Variants in GALNT16 observed in about 807,000 individuals in gnomAD.
The protein encoded by GALNT16 is polypeptide N-acetylgalactosaminyltransferase 16.
Under a neutral mutation model 76.1 loss-of-function variants are expected in GALNT16, and 40 were observed. That is an observed-to-expected ratio of 0.53 (90% CI 0.41 to 0.68). The LOEUF (loss-of-function observed/expected upper bound fraction) is 0.68. GALNT16 is among the 30% of genes least tolerant of loss of function. GALNT16 has a pLI of 0.00. For synonymous variants in GALNT16, 276 were observed against 285.2 expected (o/e 0.97, Z 0.32); for missense variants, 621 against 731.9 (o/e 0.85, Z 1.75).
chr14:69,350,581 AT>A (rs1297674552), intron 14 of GALNT16: 1 of 152,406 alleles, frequency 6.6e-6, no homozygotes, highest in Admixed American at 6.5e-5. Flanking sequence ...AGCCCTACCC[AT>A]CACGTCCTTG....
At chr14:69,291,105 A>G (rs933534813) in intron 1 of GALNT16, among the ~76,000 whole-genome samples, 8 of 152,196 alleles carry the variant, frequency 5.3e-5, no homozygotes, top group African/African-American at 1.9e-4. Flanking sequence ...AGCCTGGGCA[A>G]CATAGTAAAA....
the GALNT16 span, among the ~76,000 whole-genome samples, chr14:69,383,917 G>A: frequency 6.6e-6 from 1 of 152,168 alleles, no homozygotes; most frequent in Non-Finnish European, 1.5e-5. Context: ...GGAGGCTGAG[G>A]AAGGAGGATC....
chr14:69,273,249 G>A (rs1422007986), intron 1 of GALNT16, among the ~76,000 whole-genome samples: 4 of 152,230 alleles, frequency 2.6e-5, no homozygotes, highest in Non-Finnish European at 5.9e-5. Flanking sequence ...AGGAGGGGTA[G>A]GAGCAGTGGA....
chr14:69,357,525 C>T (rs1372632266), downstream of GALNT16: 1 of 152,226 alleles, frequency 6.6e-6, no homozygotes, highest in African/African-American at 2.4e-5. Flanking sequence ...GAGCTAGGGA[C>T]CATTCCTCCA....
In GALNT16 at chr14:69,340,426, T is replaced by C. The variant is rs138495781; in HGVS notation, c.1187+807T>C. ...ATGCCTACACATCACGTCATTTGCA[T>C]GGATTCAATGTGGTACTCGATGCGT... is the stretch of plus-strand genomic sequence containing the variant. On this transcript the variant is annotated intron_variant, in intron 11 of 14. Transcript: ENST00000448469. 2.8e-3 allele frequency among the ~76,000 whole-genome samples: 427 copies of C among 152,332 alleles called. 1 individual carries two copies. Among genetic ancestry groups the C allele is most frequent in the African/African-American group, 9.1e-3 (380 of 41,578 alleles).
chr14:69,351,402 C>T (rs1594872647), intron 14 of GALNT16: 1 of 152,352 alleles, frequency 6.6e-6, no homozygotes, highest in South Asian at 2.1e-4. Flanking sequence ...CCAATAACTA[C>T]ATAGAAGCTG....
chr14:69,321,561 C>G (rs975064746), intron 2 of GALNT16, among the ~76,000 whole-genome samples: 5 of 152,216 alleles, frequency 3.3e-5, no homozygotes, highest in African/African-American at 7.2e-5. Flanking sequence ...AGCACCACCC[C>G]CCGCTCCCCA....
chr14:69,274,210 C>G (rs2044442105), intron 1 of GALNT16, among the ~76,000 whole-genome samples: 1 of 152,088 alleles, frequency 6.6e-6, no homozygotes, highest in South Asian at 2.1e-4. Flanking sequence ...GTTTAGAATT[C>G]TGCCTAACTC....
chr14:69,301,715 G>A (rs998326295), intron 1 of GALNT16, among the ~76,000 whole-genome samples: 20 of 152,148 alleles, frequency 1.3e-4, no homozygotes, highest in African/African-American at 4.3e-4. Flanking sequence ...AGGGCCGGGC[G>A]TGGTGGCTCA....
intron 12 of GALNT16, among the ~76,000 whole-genome samples, chr14:69,343,610 C>G (rs943158039): frequency 1.3e-5 from 2 of 152,232 alleles, no homozygotes. Flanking sequence ...TCAGATGCAT[C>G]ATTTCTGAGA....
chr14:69,279,909 C>G (rs933876008), intron 1 of GALNT16, among the ~76,000 whole-genome samples: 1 of 152,202 alleles, frequency 6.6e-6, no homozygotes, highest in Non-Finnish European at 1.5e-5. Flanking sequence ...TTATTCTGTT[C>G]CCAAGCCACA....
chr14:69,260,046 G>A, upstream of GALNT16: 1 of 445,564 alleles, frequency 2.2e-6, no homozygotes, highest in Non-Finnish European at 4.0e-6. Flanking sequence ...CCCTGCGCAC[G>A]AATGAATGGG....
chr14:69,357,719 T>C (rs2045702539), downstream of GALNT16: 1 of 152,238 alleles, frequency 6.6e-6, no homozygotes. Flanking sequence ...CAACAATTTG[T>C]CTTTCAAATA....
chr14:69,315,205 C>A (rs566855849), intron 1 of GALNT16, among the ~76,000 whole-genome samples: 106 of 152,216 alleles, frequency 7.0e-4, no homozygotes, highest in African/African-American at 2.5e-3. Context: ...AAGGTCTAAT[C>A]GAAATGATAG....
At chr14:69,322,924 GGGTGTGTGTGT>G (rs1253740874) in intron 2 of GALNT16, among the ~76,000 whole-genome samples, 59 of 104,708 alleles carry the variant, frequency 5.6e-4, no homozygotes, top group African/African-American at 2.2e-3. Context: ...GTGGCTCACG[GGGTGTGTGTGT>G]GTGTGTGTGT....
chr14:69,334,402 TGAAC>T lies in GALNT16; in HGVS notation c.967+803_967+806del, dbSNP rs1008987999. 4.6e-5 allele frequency among the ~76,000 whole-genome samples: 7 copies of T among 152,240 alleles called. No individual in the cohort carries two copies. The East Asian group carries it at 1.2e-3, about 25-fold the overall frequency. ...TGGGCTGGCAAGCCAGTCAACTCTT[TGAAC>T]CTCAGTTTCTTCATTTGCAAAACAG... On this transcript the variant is annotated intron_variant, in intron 9 of 14. Transcript: ENST00000448469.
intron 1 of GALNT16, among the ~76,000 whole-genome samples, chr14:69,285,659 G>T (rs143062058): frequency 9.9e-4 from 151 of 152,310 alleles, no homozygotes; most frequent in African/African-American, 3.2e-3. Flanking sequence ...GGCTGTGGCA[G>T]TCGCATGGAG....
chr14:69,342,935 T>C (rs1325802803), intron 12 of GALNT16, among the ~76,000 whole-genome samples: 1 of 152,244 alleles, frequency 6.6e-6, no homozygotes, highest in Non-Finnish European at 1.5e-5. Context: ...GTAGCCGTTA[T>C]TATCATCGGC....
chr14:69,364,365 CAATG>C, the GALNT16 span, among the ~76,000 whole-genome samples: 1 of 152,168 alleles, frequency 6.6e-6, no homozygotes, highest in Non-Finnish European at 1.5e-5. The surrounding 1 kb of genome is among the most constrained non-coding windows in gnomAD (Gnocchi z 4.2). Context: ...ATTAAACAGA[CAATG>C]AATGTGAGAA....
Sources: allele counts gnomAD v4.1 joint callset (sites outside exome capture counted in the v4.1 genomes callset), GRCh38; gene constraint gnomAD v4.1.1; non-coding constraint Gnocchi (gnomAD v3.1); transcripts MANE v1.5; gene names NCBI Gene and HGNC (gene_info 2026-07-23, HGNC 2026-07-21).